The following CDH23 variants were observed in gnomAD, a reference collection of about 807,000 sequenced individuals.
CDH23 encodes cadherin-23.
CDH23 carries 189 observed loss-of-function variants against 317.1 expected under a neutral mutation model. The observed-to-expected ratio is 0.60, with a 90% CI of 0.53 to 0.67. The LOEUF is 0.67. Ranked by LOEUF, CDH23 falls within the 30% of genes least tolerant of loss-of-function variation. The pLI is 0.00. For missense variants in CDH23, 4,401 were observed against 4,592.4 expected (o/e 0.96, Z 1.20); for synonymous variants, 1,839 against 1,876.8 (o/e 0.98, Z 0.52).
chr10:71,714,578 T>A (rs2132765826), intron 28 of CDH23: 1 of 152,376 alleles, frequency 6.6e-6, no homozygotes, highest in Non-Finnish European at 1.5e-5. Context: ...GGGTGACAGG[T>A]CTTTCAGTTT....
chr10:71,478,784 G>C (rs1433699823), intron 3 of CDH23, among the ~76,000 whole-genome samples: 1 of 152,158 alleles, frequency 6.6e-6, no homozygotes. Context: ...AGGAATCTAA[G>C]AGCCCGTCTC....
intron 9 of CDH23, among the ~76,000 whole-genome samples, chr10:71,579,326 T>C (rs112288692): frequency 0.028 from 4,236 of 152,124 alleles, 85 homozygotes; most frequent in Middle Eastern, 0.051. Context: ...CCAGAGCAAC[T>C]CCCAGCCCAG....
intron 14 of CDH23, among the ~76,000 whole-genome samples, chr10:71,668,668 A>T (rs1864012851): frequency 6.6e-6 from 1 of 152,210 alleles, no homozygotes; most frequent in Non-Finnish European, 1.5e-5. Flanking sequence ...TTGGTGGCAC[A>T]TAGTTAAGTG....
At chr10:71,627,373 G>GTGCCTT (rs1861786077) in intron 11 of CDH23, among the ~76,000 whole-genome samples, 6 of 1,184 alleles carry the variant, frequency 5.1e-3, no homozygotes, top group African/African-American at 0.028. Flanking sequence ...CCCTTATTGT[G>GTGCCTT]ATGATGATGA....
In CDH23 at chr10:71,704,864, T is replaced by G. The variant is rs189868086; in HGVS notation, c.2734-47T>G. 863 of 1,433,624 alleles carry G rather than the reference T, an allele frequency of 6.0e-4. 3 individuals are homozygous for G. In the African/African-American group the frequency reaches 0.011, roughly 18 times the overall value. The allele number at this position is 1,433,624 out of a possible 1,614,324, so 88.8% of individuals were successfully genotyped here. A position where few individuals can be genotyped will look rare whatever the true frequency, so the allele number is the denominator to read the frequency against. On this transcript the variant is annotated intron_variant, in intron 24 of 69. Transcript: ENST00000224721. Reference sequence around the variant, plus strand: ...GCACTTCTTGGGGGAGAAGCATCCATCCCAGTGTCCCCTCCCCACCCTCAT... The same window carrying G: ...GCACTTCTTGGGGGAGAAGCATCCAGCCCAGTGTCCCCTCCCCACCCTCAT...
intron 11 of CDH23, among the ~76,000 whole-genome samples, chr10:71,636,090 A>G (rs984756926): frequency 6.6e-6 from 1 of 152,144 alleles, no homozygotes; most frequent in Non-Finnish European, 1.5e-5. Context: ...TGTCTCCAGC[A>G]GATGAGAAGA....
chr10:71,429,222 G>T (rs1232045392), intron 1 of CDH23, among the ~76,000 whole-genome samples: 2 of 152,196 alleles, frequency 1.3e-5, no homozygotes, highest in Non-Finnish European at 2.9e-5. Context: ...TGTGTCAGGG[G>T]TCAGCTGGAG....
At chr10:71,583,370 G>T (rs957903868) in intron 9 of CDH23, among the ~76,000 whole-genome samples, 1 of 152,104 alleles carries the variant, frequency 6.6e-6, no homozygotes, top group African/African-American at 2.4e-5. Context: ...GCCACCTGGG[G>T]GGTCTTGGGA....
intron 21 of CDH23, among the ~76,000 whole-genome samples, chr10:71,694,571 G>A (rs1200957153): frequency 1.3e-5 from 2 of 152,138 alleles, no homozygotes; most frequent in African/African-American, 4.8e-5. Context: ...TCCTTGCCTT[G>A]GTGCCTGTCA....
At chr10:71,814,288 G>A (rs1173139414) in intron 69 of CDH23, among the ~76,000 whole-genome samples, 4 of 152,186 alleles carry the variant, frequency 2.6e-5, no homozygotes, top group Admixed American at 6.5e-5. Flanking sequence ...GGTGGCACAC[G>A]CCCATAGTCC....
At chr10:71,440,186 C>T (rs766859470) in intron 2 of CDH23, among the ~76,000 whole-genome samples, 6 of 152,152 alleles carry the variant, frequency 3.9e-5, no homozygotes, top group East Asian at 1.9e-4. Context: ...GACCGTGAAC[C>T]GTCCTCCTCC....
intron 6 of CDH23, among the ~76,000 whole-genome samples, chr10:71,536,801 A>C (rs567446075): frequency 5.3e-4 from 81 of 152,112 alleles, no homozygotes; most frequent in Non-Finnish European, 7.5e-4. Flanking sequence ...TCCCAAGTGG[A>C]GGAGGTGGTG....
chr10:71,405,022 C>T (rs1252660016), intron 1 of CDH23, among the ~76,000 whole-genome samples: 1 of 152,072 alleles, frequency 6.6e-6, no homozygotes, highest in Non-Finnish European at 1.5e-5. Context: ...AAAGGGAAAA[C>T]AAAAAGGGCA....
chr10:71,507,867 G>A (rs1191296467), intron 3 of CDH23, among the ~76,000 whole-genome samples: 1 of 152,198 alleles, frequency 6.6e-6, no homozygotes, highest in African/African-American at 2.4e-5. Flanking sequence ...CAATGAACTG[G>A]GAATCTGGGA....
chr10:71,725,502 C>G lies in CDH23; in HGVS notation c.3561C>G (p.Pro1187=), dbSNP rs778812276. The G allele has an allele frequency of 6.2e-7, 1 of 1,613,542 alleles. No homozygotes were observed. The highest frequency in any genetic ancestry group is 8.5e-7 in the Non-Finnish European group (1 of 1,179,724). ...IVEAYNHDLG[P]MRSSVRVIVY... is the part of the protein sequence containing the mutation. ...AGGCCTACAACCACGACCTGGGCCCCATGCGGAGCTCCGTCAGGGTGAGGC... is the reference window on the plus strand; with the variant it reads ...AGGCCTACAACCACGACCTGGGCCCGATGCGGAGCTCCGTCAGGGTGAGGC... The change falls in exon 30 of 70, where the codon CCC becomes CCG. Residue 1187 remains proline, a synonymous_variant. Transcript: ENST00000224721.
rs1170287533 is a variant in CDH23 at position 71,779,251 on chromosome 10, T to C, written c.5188-16T>C. The C allele has an allele frequency of 6.2e-7, 1 of 1,613,648 alleles. No individual in the cohort carries two copies. The highest frequency in any genetic ancestry group is 8.5e-7 in the Non-Finnish European group (1 of 1,179,670). On this transcript the variant is annotated splice_polypyrimidine_tract_variant and intron_variant, in intron 40 of 69. Transcript: ENST00000224721. ...GGCTGGGGTGAGGCCTTGGCTAAGC[T>C]TTTCCACCATCTCAGGTGCTTGTGA... is the stretch of plus-strand genomic sequence containing the variant.
intron 6 of CDH23, among the ~76,000 whole-genome samples, chr10:71,555,592 G>A (rs1464880695): frequency 1.3e-5 from 2 of 152,216 alleles, no homozygotes; most frequent in South Asian, 2.1e-4. Flanking sequence ...CCTGGAGGAG[G>A]CAGGTGCAGG....
intron 48 of CDH23, chr10:71,796,168 C>G (rs1175687147): frequency 1.2e-6 from 1 of 862,146 alleles, no homozygotes; most frequent in Non-Finnish European, 1.4e-6. Context: ...TCAGATACCC[C>G]TGTACCTGAG....
intron 1 of CDH23, among the ~76,000 whole-genome samples, chr10:71,435,491 T>G (rs901370627): frequency 6.6e-6 from 1 of 152,192 alleles, no homozygotes; most frequent in Non-Finnish European, 1.5e-5. Flanking sequence ...GTCTGAGGGC[T>G]TTGGGGACTG....
Sources: allele counts gnomAD v4.1 joint callset (sites outside exome capture counted in the v4.1 genomes callset), GRCh38; gene constraint gnomAD v4.1.1; transcripts MANE v1.5; gene names NCBI Gene and HGNC (gene_info 2026-07-23, HGNC 2026-07-21).